The following AK7 variants were observed in gnomAD, a reference collection of about 807,000 sequenced individuals.
The protein encoded by AK7 is adenylate kinase 7.
AK7 carries 78 observed loss-of-function variants against 96.6 expected under a neutral mutation model. The observed-to-expected ratio is 0.81, with a 90% CI of 0.67 to 0.97. The LOEUF (loss-of-function observed/expected upper bound fraction) is 0.97. Among genes scored for constraint, AK7 ranks in the 50% least tolerant of loss-of-function variants. The pLI is 0.00. For synonymous variants in AK7, 302 were observed against 317.2 expected, an observed-to-expected ratio of 0.95 and a Z score of 0.51; for missense variants, 855 against 887.9, an observed-to-expected ratio of 0.96 and a Z score of 0.47.
chr14:96,411,749 A>G (rs1344554334), intron 4 of AK7, among the ~76,000 whole-genome samples: 1 of 152,206 alleles, frequency 6.6e-6, no homozygotes, highest in Admixed American at 6.6e-5. Flanking sequence ...TTTGTCCCCA[A>G]CAAGTCTAAT....
chr14:96,466,369 TG>T (rs1894568225), intron 12 of AK7, among the ~76,000 whole-genome samples: 1 of 152,070 alleles, frequency 6.6e-6, no homozygotes. Context: ...CATGAGTAGC[TG>T]GGACTACAGG....
chr14:96,468,592 C>G (rs1355735951), intron 12 of AK7, among the ~76,000 whole-genome samples: 2 of 151,910 alleles, frequency 1.3e-5, no homozygotes, highest in Non-Finnish European at 2.9e-5. Context: ...CCACCACGCC[C>G]GGCCTGCACT....
At chr14:96,477,681 T>TA (rs1325464969) in intron 14 of AK7, among the ~76,000 whole-genome samples, 6 of 152,376 alleles carry the variant, frequency 3.9e-5, no homozygotes, top group African/African-American at 1.2e-4. Flanking sequence ...TCATCATTAT[T>TA]AACATGATCT....
At position 96,399,654 on chromosome 14, in the gene AK7, C is replaced by T. The variant is rs1336952955; in HGVS notation, c.294+1391C>T. 3.9e-5 allele frequency among the ~76,000 whole-genome samples: 6 copies of T among 152,334 alleles called. No individual in the cohort carries two copies. Among genetic ancestry groups the T allele is most frequent in the South Asian group, 2.1e-4 (1 of 4,830 alleles). ...CGATGTCACCAGCAGTCCCCTGACTCCCGAGGGGCTTAGCTCACCTGGCTT... is the reference window on the plus strand; with the variant it reads ...CGATGTCACCAGCAGTCCCCTGACTTCCGAGGGGCTTAGCTCACCTGGCTT... On this transcript the variant is annotated intron_variant, in intron 2 of 17. Transcript: ENST00000267584. This position sits in a 1 kb window ranked among gnomAD's most constrained non-coding sequence, Gnocchi z 4.1.
chr14:96,420,963 A>G (rs1370617511), intron 5 of AK7, 31 bp downstream of exon 5: 2 of 1,426,808 alleles, frequency 1.4e-6, no homozygotes, highest in Non-Finnish European at 2.0e-6. Context: ...CATGGACATC[A>G]TCTGAAGTCT....
chr14:96,430,984 T>G (rs997538710), intron 5 of AK7, among the ~76,000 whole-genome samples: 1 of 152,208 alleles, frequency 6.6e-6, no homozygotes, highest in Admixed American at 6.5e-5. Flanking sequence ...ATTCAACATC[T>G]CCCTGGTTTA....
At chr14:96,418,187 GCATGGTGGCAAGCACCTGTAGTCC>G (rs1891455015) in intron 4 of AK7, among the ~76,000 whole-genome samples, 1 of 150,906 alleles carries the variant, frequency 6.6e-6, no homozygotes, top group Non-Finnish European at 1.5e-5. Flanking sequence ...TATTAGCCTG[GCATGGTGGCAAGCACCTGTAGTCC>G]CAACTACTCA....
intron 9 of AK7, among the ~76,000 whole-genome samples, chr14:96,450,578 A>C (rs1253466516): frequency 6.6e-6 from 1 of 151,920 alleles, no homozygotes; most frequent in African/African-American, 2.4e-5. Flanking sequence ...ACAAAAAAAA[A>C]AAAATAGGGT....
At chr14:96,456,257 A>T in intron 10 of AK7, 90 bp from the exon 11 acceptor site, 1 of 1,138,948 alleles carries the variant, frequency 8.8e-7, no homozygotes, top group Non-Finnish European at 1.2e-6. Flanking sequence ...AAAAAAAAAA[A>T]AAAAGCACTC....
At chr14:96,475,276 A>G (rs1441688761) in intron 14 of AK7, among the ~76,000 whole-genome samples, 1 of 152,208 alleles carries the variant, frequency 6.6e-6, no homozygotes, top group Non-Finnish European at 1.5e-5. Context: ...CTGAATGGTG[A>G]CATAGAGAGG....
At position 96,420,844 on chromosome 14, in the gene AK7, C is replaced by T. The variant is rs141804450; in HGVS notation, c.521C>T (p.Thr174Ile). ...TAGGAGGATTCTGAGGTTCCATTCA[C>T]TGAAGAAGATTATCGAAGAAGAAAG... ...LDPEDSEVPF[T>I]EEDYRRRKSH... Residue 174 changes from threonine (T) to isoleucine (I), a missense_variant, in exon 5 of 18, where the codon ACT (threonine) becomes ATT (isoleucine). Thr to Ile is a moderately conservative substitution (Grantham distance 89, BLOSUM62 -1). Transcript: ENST00000267584. The T allele has an allele frequency of 1.2e-6, 2 of 1,612,572 alleles. No homozygotes were observed. The highest frequency in any genetic ancestry group is 1.3e-5 in the African/African-American group (1 of 74,862).
chr14:96,428,139 G>A (rs1033479461), intron 5 of AK7, among the ~76,000 whole-genome samples: 1 of 152,026 alleles, frequency 6.6e-6, no homozygotes, highest in Non-Finnish European at 1.5e-5. Context: ...ACAGGCCTCA[G>A]TGTGTGATGT....
chr14:96,442,742 G>A lies in AK7; in HGVS notation c.703G>A (p.Gly235Ser), dbSNP rs751475113. The change falls in exon 7 of 18, where the codon GGC (glycine) becomes AGC (serine). Residue 235 changes from glycine to serine, a missense_variant. Physicochemically the swap from Gly to Ser is moderately conservative, Grantham distance 56 (BLOSUM62 0). Coordinates refer to ENST00000267584, the MANE Select transcript of AK7 (RefSeq NM_152327.5). ...LHTFFKMAWL[G>S]EIPALPVFGD... ...TTCTTCCTTTCAGATGGCTTGGTTGGGCGAGATTCCTGCATTACCAGTTTT... is the reference window on the plus strand; with the variant it reads ...TTCTTCCTTTCAGATGGCTTGGTTGAGCGAGATTCCTGCATTACCAGTTTT... 6.2e-7 allele frequency: 1 copy of A among 1,614,148 alleles called. No individual in the cohort carries two copies. The highest frequency in any genetic ancestry group is 8.5e-7 in the Non-Finnish European group (1 of 1,179,984).
intron 4 of AK7, among the ~76,000 whole-genome samples, chr14:96,417,278 A>AGC (rs1199037806): frequency 7.4e-6 from 1 of 135,884 alleles, no homozygotes; most frequent in East Asian, 2.2e-4. Flanking sequence ...ATAATTGTTT[A>AGC]GCATACCTAT....
intron 6 of AK7, 86 bp downstream of exon 6, chr14:96,438,001 G>GT: frequency 8.3e-7 from 1 of 1,210,750 alleles, no homozygotes; most frequent in East Asian, 2.4e-5. Flanking sequence ...ATTGCTTTGG[G>GT]TGTGGTTAGT....
Position 96,418,218 on chromosome 14 carries a change from C to T in AK7, c.499-2604C>T, listed in dbSNP as rs1312473579. 1.3e-4 allele frequency among the ~76,000 whole-genome samples: 20 copies of T among 149,810 alleles called. No homozygotes were observed. In the Admixed American group the frequency reaches 1.3e-3, roughly 10 times the overall value. On this transcript the variant is annotated intron_variant, in intron 4 of 17. Transcript: ENST00000267584. The stretch of plus-strand genomic sequence containing the variant: ...TGGCAAGCACCTGTAGTCCCAACTA[C>T]TCAGGAGTCTAGGTGGACTCAGCTG...
intron 4 of AK7, among the ~76,000 whole-genome samples, chr14:96,415,229 A>G (rs914011335): frequency 1.2e-4 from 19 of 152,072 alleles, no homozygotes; most frequent in Non-Finnish European, 2.2e-4. Flanking sequence ...CTAAGGTGGG[A>G]GGATCACTTG....
chr14:96,423,659 G>C, intron 5 of AK7: 1 of 633,454 alleles, frequency 1.6e-6, no homozygotes, highest in Admixed American at 1.9e-5. Context: ...CACAGCTCGG[G>C]GCCTCCAGGA....
chr14:96,404,767 G>A lies in AK7; in HGVS notation c.305G>A (p.Arg102Gln), dbSNP rs2275554. Residue 102 changes from arginine to glutamine, a missense_variant, in exon 3 of 18, where the codon CGA (arginine) becomes CAA (glutamine). Physicochemically the swap from Arg to Gln is conservative, Grantham distance 43. Transcript: ENST00000267584. The part of the protein sequence containing the change: ...FAVETYSAIS[R>Q]EDLLMRLLEC... ...AATTTTCTTTTTCAGGCCATCTCTCGAGAAGACCTTCTCATGCGCCTGCTG... is the reference window on the plus strand; with the variant it reads ...AATTTTCTTTTTCAGGCCATCTCTCAAGAAGACCTTCTCATGCGCCTGCTG... 381,759 of 1,597,578 alleles carry A rather than the reference G, an allele frequency of 0.24. 46,816 individuals carry two copies. The highest frequency in any genetic ancestry group is 0.25 in the Non-Finnish European group (291,352 of 1,166,614).
Sources: allele counts gnomAD v4.1 joint callset (sites outside exome capture counted in the v4.1 genomes callset), GRCh38; gene constraint gnomAD v4.1.1; non-coding constraint Gnocchi (gnomAD v3.1); transcripts MANE v1.5; gene names NCBI Gene and HGNC (gene_info 2026-07-23, HGNC 2026-07-21).